Variants in CECR2 observed in about 807,000 individuals in gnomAD.
CECR2 encodes the protein CECR2 histone acetyl-lysine reader, also known as chromatin remodeling regulator CECR2.
A neutral mutation model predicts 154.5 loss-of-function variants in CECR2; 30 were observed. That is an observed-to-expected ratio of 0.19 (90% CI 0.15 to 0.26). The LOEUF (loss-of-function observed/expected upper bound fraction) is 0.26. Ranked by LOEUF, CECR2 falls within the 10% of genes least tolerant of loss-of-function variation. The pLI is 1.00. For synonymous variants in CECR2, 725 were observed against 683.7 expected (o/e 1.06, Z -0.94); for missense variants, 1,743 against 1,829.3 (o/e 0.95, Z 0.86).
At chr22:17,523,913 A>G (rs2056205054) in intron 8 of CECR2, among the ~76,000 whole-genome samples, 1 of 152,200 alleles carries the variant, frequency 6.6e-6, no homozygotes, top group East Asian at 1.9e-4. Context: ...GTTGGACACA[A>G]AAGTTTTACC....
At chr22:17,552,776 T>G (rs1458379486) in intron 18 of CECR2, 59 bp from the exon 19 acceptor site, 2 of 1,299,932 alleles carry the variant, frequency 1.5e-6, no homozygotes, top group Non-Finnish European at 2.1e-6. Context: ...TTACTTAAGT[T>G]TTTTTTTTTT....
chr22:17,484,776 G>A (rs183264263), intron 2 of CECR2, among the ~76,000 whole-genome samples: 159 of 152,216 alleles, frequency 1.0e-3, no homozygotes, highest in African/African-American at 3.6e-3. Context: ...TACTCTGTAG[G>A]CTGAGGCATG....
At chr22:17,549,736 T>C (rs1601211003) in intron 17 of CECR2, among the ~76,000 whole-genome samples, 172 bp downstream of exon 17, 1 of 150,652 alleles carries the variant, frequency 6.6e-6, no homozygotes, top group Non-Finnish European at 1.5e-5. Context: ...ATCAGCTGTT[T>C]AAGTAACTGG....
rs562136618 is a variant in CECR2 at position 17,554,318 on chromosome 22, G to A, written c.*1478G>A. The A allele has an allele frequency of 6.6e-6, 1 of 152,144 alleles. No homozygotes were observed. The highest frequency in any genetic ancestry group is 2.4e-5 in the African/African-American group (1 of 41,444). 9.4% of individuals were successfully genotyped at this position (152,144 alleles called of 1,614,324 possible). A position where few individuals can be genotyped will look rare whatever the true frequency, so the allele number is the denominator to read the frequency against. ...ATAGCATATTTTTAAGCATGCTTTT[G>A]GGATAGTAGAAGAGTCTCTATGAAA... On this transcript the variant is annotated 3_prime_UTR_variant, in exon 19 of 19. Coordinates refer to ENST00000262608, the MANE Select transcript of CECR2 (RefSeq NM_001290047.2).
rs938862798 is a variant in CECR2, at chr22:17,557,713, A to G, written c.*4873A>G. 2.6e-5 allele frequency: 4 copies of G among 152,078 alleles called. No homozygotes were observed. The highest frequency in any genetic ancestry group is 7.3e-5 in the African/African-American group (3 of 41,368). The allele number at this position is 152,078 out of a possible 1,614,324, so 9.4% of individuals were successfully genotyped here. A position where few individuals can be genotyped will look rare whatever the true frequency, so the allele number is the denominator to read the frequency against. ...GTATGGATATTGCATAAGTTATTGA[A>G]ATGCTGACCCCCGTTCAGGAAACCA... On this transcript the variant is annotated 3_prime_UTR_variant, in exon 19 of 19. Coordinates refer to ENST00000262608, the MANE Select transcript of CECR2 (RefSeq NM_001290047.2).
chr22:17,491,371 T>C (rs1391267167), intron 2 of CECR2, among the ~76,000 whole-genome samples: 1 of 152,124 alleles, frequency 6.6e-6, no homozygotes, highest in Non-Finnish European at 1.5e-5. Context: ...TGTGTGTTTT[T>C]TGACGTCCTC....
Position 17,540,780 on chromosome 22 carries a change from G to T in CECR2, c.1864G>T (p.Ala622Ser), listed in dbSNP as rs1188021622. The T allele has an allele frequency of 4.4e-6, 7 of 1,581,364 alleles. No individual in the cohort carries two copies. Residue 622 changes from alanine (A) to serine (S), a missense_variant, in exon 14 of 19, where the codon GCA becomes TCA. Ala to Ser is a moderately conservative substitution (Grantham distance 99). Transcript: ENST00000262608. ...PLHCGGTPSQ[A>S]PFLNQMRPAV... ...GCATTGTGGTGGGACACCCAGCCAGGCACCCTTTTTAAACCAGATGGTAAG... is the reference window on the plus strand; with the variant it reads ...GCATTGTGGTGGGACACCCAGCCAGTCACCCTTTTTAAACCAGATGGTAAG...
At position 17,524,188 on chromosome 22, in the gene CECR2, T is replaced by C; in HGVS notation, c.1025T>C (p.Leu342Pro). ...GAGGAAGAAGAGCGTCAGATTCTTC[T>C]AGCAGTGCAGAAGAAGGAGCAGGAG... ...KEEEEERQIL[L>P]AVQKKEQEQM... The change falls in exon 9 of 19, where the codon CTA (leucine) becomes CCA (proline). Residue 342 changes from leucine to proline, a missense_variant. Leu to Pro is a moderately conservative substitution (Grantham distance 98). This residue lies in a region of CECR2 where 292 missense variants were observed against 301.2 expected (regional missense o/e 0.97). Coordinates refer to ENST00000262608, the MANE Select transcript of CECR2 (RefSeq NM_001290047.2). 6.2e-7 allele frequency: 1 copy of C among 1,608,384 alleles called. No individual in the cohort carries two copies. The highest frequency in any genetic ancestry group is 8.5e-7 in the Non-Finnish European group (1 of 1,177,560).
At chr22:17,505,114 C>T in intron 7 of CECR2, 98 bp downstream of exon 7, 1 of 1,188,474 alleles carries the variant, frequency 8.4e-7, no homozygotes, top group Non-Finnish European at 1.2e-6. Context: ...CCCCACTGTC[C>T]TGGAAATAGT....
rs568187717 is a variant in CECR2 at position 17,387,347 on chromosome 22, A to G, written c.126+17438A>G. The stretch of plus-strand genomic sequence containing the variant: ...TCGCAAGAAAAGATGAACTGGGCCA[A>G]TGAAATTTCCATTCTTGGGAGCGTA... On this transcript the variant is annotated intron_variant, in intron 1 of 18. Transcript: ENST00000262608. Among the ~76,000 whole-genome samples the G allele has an allele frequency of 1.1e-4, 16 of 152,370 alleles. 1 individual carries two copies. In the South Asian group the frequency reaches 2.7e-3, roughly 26 times the overall value.
At chr22:17,426,408 G>T (rs561184025) in intron 1 of CECR2, among the ~76,000 whole-genome samples, 1 of 151,970 alleles carries the variant, frequency 6.6e-6, no homozygotes, top group South Asian at 2.1e-4. Context: ...CCAGGCTGGA[G>T]TGCAGTGGCG....
intron 1 of CECR2, among the ~76,000 whole-genome samples, chr22:17,418,435 A>G (rs373954309): frequency 3.9e-5 from 6 of 152,290 alleles, no homozygotes; most frequent in African/African-American, 1.4e-4. Context: ...GTAGCCCCAC[A>G]GGTACTGGGA....
rs1209598318 is a variant in CECR2 at position 17,404,364 on chromosome 22, C to CTTTTTTTTTTT, written c.126+34458_126+34459insTTTTTTTTTTT. ...TGTGGGTTCATTTCTGGACCCTGTTCTTTCTTTTTTTTTTTTTTTTTTTTT... is the reference window on the plus strand; with the variant it reads ...TGTGGGTTCATTTCTGGACCCTGTTCTTTTTTTTTTTTTTCTTTTTTTTTTTTTTTTTTTTT... On this transcript the variant is annotated intron_variant, in intron 1 of 18. Coordinates refer to ENST00000262608, the MANE Select transcript of CECR2 (RefSeq NM_001290047.2). Among the ~76,000 whole-genome samples, 467 of 59,578 alleles carry CTTTTTTTTTTT rather than the reference C, an allele frequency of 7.8e-3. 94 individuals carry two copies. Among genetic ancestry groups the CTTTTTTTTTTT allele is most frequent in the Non-Finnish European group, 0.01 (329 of 31,396 alleles). 39.1% of individuals were successfully genotyped at this position (59,578 alleles called of 152,430 possible).
chr22:17,363,878 A>G (rs1230118133), intron 1 of CECR2, among the ~76,000 whole-genome samples: 1 of 152,120 alleles, frequency 6.6e-6, no homozygotes, highest in Non-Finnish European at 1.5e-5. Flanking sequence ...CAAGTGATCC[A>G]CCCACTGCAG....
chr22:17,431,860 T>C (rs1036588274), intron 1 of CECR2, among the ~76,000 whole-genome samples: 1 of 152,160 alleles, frequency 6.6e-6, no homozygotes, highest in African/African-American at 2.4e-5. Context: ...GGTTTTAGTA[T>C]ATTTAGAGTG....
intron 13 of CECR2, 166 bp downstream of exon 13, chr22:17,539,285 G>A: frequency 1.4e-6 from 1 of 723,630 alleles, no homozygotes; most frequent in Non-Finnish European, 2.2e-6. Flanking sequence ...GTGTCTGCCA[G>A]GGATTCTCTC....
chr22:17,546,379 C>T (rs924752566), intron 16 of CECR2, among the ~76,000 whole-genome samples: 15 of 150,580 alleles, frequency 1.0e-4, no homozygotes, highest in African/African-American at 3.4e-4. Context: ...CCAGCTACTC[C>T]GGAGGCTGAG....
At chr22:17,426,795 C>G (rs1184627181) in intron 1 of CECR2, among the ~76,000 whole-genome samples, 2 of 151,974 alleles carry the variant, frequency 1.3e-5, no homozygotes, top group Non-Finnish European at 2.9e-5. Context: ...AACATGTCTT[C>G]GGTTCTCTCT....
In CECR2 at chr22:17,405,639, C is replaced by CAA. The variant is rs58874516; in HGVS notation, c.126+35756_126+35757dup. Among the ~76,000 whole-genome samples, 56 of 72,310 alleles carry CAA rather than the reference C, an allele frequency of 7.7e-4. 1 individual carries two copies. The highest frequency in any genetic ancestry group is 1.5e-3 in the African/African-American group (33 of 22,282). 47.4% of individuals were successfully genotyped at this position (72,310 alleles called of 152,430 possible). On this transcript the variant is annotated intron_variant, in intron 1 of 18. Transcript: ENST00000262608. ...TGGGCAAAAGAGTGAGACTCCATCT[C>CAA]AAAAAAAAAAAAAAAAAAAAAAAAA...
Sources: allele counts gnomAD v4.1 joint callset (sites outside exome capture counted in the v4.1 genomes callset), GRCh38; gene constraint gnomAD v4.1.1; regional missense constraint gnomAD v4.1.1; transcripts MANE v1.5; gene names NCBI Gene and HGNC (gene_info 2026-07-23, HGNC 2026-07-21).